The following LSAMP variants were observed in gnomAD, a reference collection of about 807,000 sequenced individuals.
The protein encoded by LSAMP is limbic system associated membrane protein.
LSAMP carries 7 observed loss-of-function variants against 38.6 expected under a neutral mutation model. The observed-to-expected ratio is 0.18, with a 90% CI of 0.10 to 0.34. The LOEUF is 0.34. Ranked by LOEUF, LSAMP falls within the 10% of genes least tolerant of loss-of-function variation. LSAMP has a pLI of 1.00. For missense variants in LSAMP, 313 were observed against 420.0 expected (o/e 0.75, Z 2.23); for synonymous variants, 154 against 166.8 (o/e 0.92, Z 0.59).
intron 3 of LSAMP, among the ~76,000 whole-genome samples, chr3:115,939,530 C>CTCTTTCTTTATT (rs1553751055): frequency 6.0e-5 from 6 of 99,620 alleles, no homozygotes; most frequent in African/African-American, 2.2e-4. Context: ...TGTTCTCTTT[C>CTCTTTCTTTATT]TCTTTCTTTC....
rs867956929 is a variant in LSAMP, at chr3:115,952,275, A to G, written c.514+67240T>C. ...AAAAGACACTTGCACACGCATGTTT[A>G]TAGCAGCAGAATTCACAATGGCAAA... On this transcript the variant is annotated intron_variant, in intron 3 of 6. Coordinates refer to ENST00000490035, the MANE Select transcript of LSAMP (RefSeq NM_002338.5). Among the ~76,000 whole-genome samples the G allele has an allele frequency of 7.9e-5, 12 of 152,358 alleles. No homozygotes were observed. The South Asian group carries it at 1.2e-3, about 16-fold the overall frequency.
At chr3:116,427,314 G>T (rs1440858440) in intron 1 of LSAMP, among the ~76,000 whole-genome samples, 1 of 151,154 alleles carries the variant, frequency 6.6e-6, no homozygotes, top group African/African-American at 2.4e-5. Context: ...TAGAGACGGG[G>T]TTTCACCTTG....
intron 2 of LSAMP, among the ~76,000 whole-genome samples, chr3:116,052,132 C>T (rs2107734626): frequency 6.6e-6 from 1 of 152,226 alleles, no homozygotes; most frequent in East Asian, 1.9e-4. Context: ...AGAGGGCCAA[C>T]AATGAATGCT....
chr3:115,847,287 A>C (rs901827193), intron 4 of LSAMP, among the ~76,000 whole-genome samples: 1 of 152,200 alleles, frequency 6.6e-6, no homozygotes, highest in Non-Finnish European at 1.5e-5. Context: ...TGGTATAAAA[A>C]GCAGCAGAGG....
rs530321929 is a variant in LSAMP, at chr3:116,012,150, C to T, written c.514+7365G>A. 2.1e-4 allele frequency among the ~76,000 whole-genome samples: 32 copies of T among 152,290 alleles called. No individual in the cohort carries two copies. In the South Asian group the frequency reaches 3.7e-3, roughly 18 times the overall value. The stretch of plus-strand genomic sequence containing the variant: ...TGGTTAACTCCCAAATAAATCTACC[C>T]GCACTCACTGTGATGAATTTTATTG... On this transcript the variant is annotated intron_variant, in intron 3 of 6. Transcript: ENST00000490035.
chr3:116,230,592 T>C (rs1416496804), intron 1 of LSAMP, among the ~76,000 whole-genome samples: 2 of 152,090 alleles, frequency 1.3e-5, no homozygotes, highest in African/African-American at 4.8e-5. Context: ...CACCTTCAAT[T>C]AAACAGTGGC....
At chr3:116,396,410 A>G (rs2048768142) in intron 1 of LSAMP, among the ~76,000 whole-genome samples, 1 of 151,900 alleles carries the variant, frequency 6.6e-6, no homozygotes, top group Non-Finnish European at 1.5e-5. Flanking sequence ...TCCATTTCAA[A>G]CCCCATCTTC....
intron 3 of LSAMP, among the ~76,000 whole-genome samples, chr3:115,984,212 C>A (rs896654561): frequency 4.0e-5 from 6 of 151,478 alleles, no homozygotes; most frequent in Admixed American, 3.3e-4. Flanking sequence ...AATGGGGGTG[C>A]TATTCACAAA....
intron 1 of LSAMP, among the ~76,000 whole-genome samples, chr3:116,432,883 C>G (rs2049299709): frequency 6.6e-6 from 1 of 152,050 alleles, no homozygotes. Context: ...AGAGATAGAA[C>G]AGAGGTCAGA....
At chr3:116,395,565 C>G (rs896428946) in intron 1 of LSAMP, among the ~76,000 whole-genome samples, 2 of 152,144 alleles carry the variant, frequency 1.3e-5, no homozygotes, top group African/African-American at 2.4e-5. Flanking sequence ...AACTACTAGA[C>G]AGCACAGAGC....
Position 116,279,506 on chromosome 3 carries a change from T to C in LSAMP, c.155+165371A>G, listed in dbSNP as rs182225450. Among the ~76,000 whole-genome samples, 289 of 152,068 alleles carry C rather than the reference T, an allele frequency of 1.9e-3. 1 individual carries two copies. Among genetic ancestry groups the C allele is most frequent in the Non-Finnish European group, 2.9e-3 (200 of 67,930 alleles). The stretch of plus-strand genomic sequence containing the variant: ...AGTAGGGAGCCTATTCTATCTACTC[T>C]CATGTGAAAGATTCTCTACACTGAT... On this transcript the variant is annotated intron_variant, in intron 1 of 6. Coordinates refer to ENST00000490035, the MANE Select transcript of LSAMP (RefSeq NM_002338.5).
intron 3 of LSAMP, among the ~76,000 whole-genome samples, chr3:115,945,008 G>T (rs778582425): frequency 6.6e-6 from 1 of 151,916 alleles, no homozygotes; most frequent in African/African-American, 2.4e-5. Context: ...TTTCTAGGAA[G>T]CTTATTCTAA....
intron 1 of LSAMP, among the ~76,000 whole-genome samples, chr3:116,297,352 G>A (rs2047350376): frequency 6.6e-6 from 1 of 152,156 alleles, no homozygotes; most frequent in Admixed American, 6.5e-5. Context: ...ATTCACCCTA[G>A]ATAACAAAGG....
intron 3 of LSAMP, among the ~76,000 whole-genome samples, chr3:115,884,756 A>G (rs1241883439): frequency 1.3e-5 from 2 of 152,064 alleles, no homozygotes; most frequent in Admixed American, 1.3e-4. Flanking sequence ...GCAGAGGATA[A>G]AACAATCTAA....
chr3:116,195,285 T>C (rs1710856080), intron 1 of LSAMP, among the ~76,000 whole-genome samples: 1 of 152,216 alleles, frequency 6.6e-6, no homozygotes, highest in Non-Finnish European at 1.5e-5. Context: ...AATATTTGAA[T>C]TGAATGTTCT....
intron 1 of LSAMP, among the ~76,000 whole-genome samples, chr3:116,113,112 AAG>A (rs943521387): frequency 7.2e-5 from 11 of 152,242 alleles, no homozygotes; most frequent in African/African-American, 2.4e-4. Context: ...GTGAGAAGTG[AAG>A]AGAGAGAGTA....
chr3:116,090,634 G>C (rs150152078), intron 1 of LSAMP, among the ~76,000 whole-genome samples: 2,144 of 152,226 alleles, frequency 0.014, 48 homozygotes, highest in African/African-American at 0.047. Context: ...TTTCCTAAGC[G>C]TCGGCTGGCT....
intron 1 of LSAMP, among the ~76,000 whole-genome samples, chr3:116,115,030 A>T (rs1171161772): frequency 6.6e-6 from 1 of 152,148 alleles, no homozygotes; most frequent in Non-Finnish European, 1.5e-5. Flanking sequence ...CCTTTTTATA[A>T]TTGTTTGCAG....
chr3:116,192,370 T>A (rs79287685), intron 1 of LSAMP, among the ~76,000 whole-genome samples: 1 of 152,234 alleles, frequency 6.6e-6, no homozygotes, highest in African/African-American at 2.4e-5. Context: ...TAGAGCTCCA[T>A]CTACTTCTTA....
Sources: gnomAD v4.1 joint callset for allele counts (sites outside exome capture counted in the v4.1 genomes callset) on GRCh38, gnomAD v4.1.1 for gene constraint, MANE v1.5 for transcripts, NCBI Gene and HGNC (gene_info 2026-07-23, HGNC 2026-07-21) for gene names.